The following SNAP91 variants were observed in gnomAD, a reference collection of about 807,000 sequenced individuals.
SNAP91 encodes clathrin coat assembly protein AP180.
SNAP91 carries 27 observed loss-of-function variants against 100.3 expected under a neutral mutation model. The observed-to-expected ratio is 0.27, with a 90% CI of 0.20 to 0.37. The LOEUF (loss-of-function observed/expected upper bound fraction) is 0.37, where lower values mean the gene tolerates loss of function less well. SNAP91 is among the 10% of genes least tolerant of loss of function. SNAP91 has a pLI of 1.00. For missense variants in SNAP91, 986 were observed against 1,123.7 expected, an observed-to-expected ratio of 0.88 and a Z score of 1.75; for synonymous variants, 404 against 398.6, an observed-to-expected ratio of 1.01 and a Z score of -0.16.
chr6:83,650,663 C>A (rs1038536467), intron 7 of SNAP91, among the ~76,000 whole-genome samples: 1 of 152,324 alleles, frequency 6.6e-6, no homozygotes, highest in East Asian at 1.9e-4. Context: ...AGTGATCCAT[C>A]CCCCTTGGCA....
chr6:83,573,036 C>T (rs1200640665), intron 26 of SNAP91, among the ~76,000 whole-genome samples: 2 of 152,130 alleles, frequency 1.3e-5, no homozygotes, highest in South Asian at 4.1e-4. Context: ...GAGAGTTTTT[C>T]TAAGAAAGTA....
intron 7 of SNAP91, 108 bp downstream of exon 7, chr6:83,656,646 T>C (rs2098411995): frequency 1.7e-5 from 9 of 534,482 alleles, no homozygotes; most frequent in South Asian, 1.5e-4. Context: ...TATCATGATA[T>C]TCCACACAAT....
Position 83,694,718 on chromosome 6 carries a change from G to A in SNAP91, c.130+13080C>T, listed in dbSNP as rs144326014. Among the ~76,000 whole-genome samples, 57 of 152,228 alleles carry A rather than the reference G, an allele frequency of 3.7e-4. 1 individual carries two copies. The East Asian group carries it at 4.2e-3, about 11-fold the overall frequency. The stretch of plus-strand genomic sequence containing the variant: ...ACTAATGTGTGAAACAGAAACAAGC[G>A]AAACAGGGGGTGGAGGAAGAATCCT... On this transcript the variant is annotated intron_variant, in intron 2 of 29. Coordinates refer to ENST00000369694, the MANE Select transcript of SNAP91 (RefSeq NM_001242792.2).
chr6:83,645,246 C>A (rs548616796), intron 7 of SNAP91, among the ~76,000 whole-genome samples: 3 of 145,176 alleles, frequency 2.1e-5, no homozygotes, highest in African/African-American at 7.5e-5. Context: ...TATATCCTGA[C>A]TTTTTTTTTT....
intron 2 of SNAP91, among the ~76,000 whole-genome samples, chr6:83,676,895 G>A (rs1196410968): frequency 6.6e-6 from 1 of 152,154 alleles, no homozygotes; most frequent in Non-Finnish European, 1.5e-5. Context: ...AAAACAAAAG[G>A]TAGGATTCTG....
upstream of SNAP91, chr6:83,709,348 G>C (rs987722627): frequency 3.9e-5 from 6 of 152,302 alleles, no homozygotes; most frequent in African/African-American, 1.4e-4. Context: ...TCTCCGCTGG[G>C]CGCCGGGCCG....
At chr6:83,637,430 C>A (rs2097505275) in intron 8 of SNAP91, among the ~76,000 whole-genome samples, 1 of 152,124 alleles carries the variant, frequency 6.6e-6, no homozygotes, top group Admixed American at 6.5e-5. Context: ...AATCCCTGGG[C>A]AGGGCAATGG....
chr6:83,634,074 AC>A (rs1336009639), intron 8 of SNAP91, among the ~76,000 whole-genome samples: 2 of 152,182 alleles, frequency 1.3e-5, no homozygotes, highest in Non-Finnish European at 2.9e-5. Context: ...CACGTTGTGC[AC>A]ATGTACCCTA....
chr6:83,614,381 A>G (rs781730401), intron 11 of SNAP91, among the ~76,000 whole-genome samples: 4 of 152,202 alleles, frequency 2.6e-5, no homozygotes, highest in Non-Finnish European at 5.9e-5. Context: ...TATAAAGGGC[A>G]TACATATTCT....
chr6:83,631,949 G>T (rs968541690), intron 8 of SNAP91, among the ~76,000 whole-genome samples: 1 of 152,044 alleles, frequency 6.6e-6, no homozygotes, highest in Non-Finnish European at 1.5e-5. Flanking sequence ...GGTCCTATGA[G>T]ATTTATGCTT....
At chr6:83,569,573 C>T (rs992578596) in intron 26 of SNAP91, among the ~76,000 whole-genome samples, 2 of 152,152 alleles carry the variant, frequency 1.3e-5, no homozygotes, top group African/African-American at 4.8e-5. Flanking sequence ...CCCTTGTTCC[C>T]TTCTGGGTTA....
intron 8 of SNAP91, among the ~76,000 whole-genome samples, chr6:83,639,193 TACTA>T (rs2097576824): frequency 1.3e-5 from 2 of 152,322 alleles, no homozygotes; most frequent in Middle Eastern, 3.4e-3. Context: ...AGGTAAATGT[TACTA>T]ACTATGGGAT....
chr6:83,561,763 T>C (rs901179113), intron 26 of SNAP91, among the ~76,000 whole-genome samples: 1 of 152,132 alleles, frequency 6.6e-6, no homozygotes, highest in Non-Finnish European at 1.5e-5. Context: ...CCCAGCATAT[T>C]AGGAGGCTGA....
chr6:83,607,942 A>C (rs913465515), intron 12 of SNAP91, 134 bp from the exon 13 acceptor site: 6 of 431,080 alleles, frequency 1.4e-5, no homozygotes, highest in African/African-American at 1.0e-4. Context: ...GGAAAAAAAA[A>C]CTCAATAAAA....
intron 2 of SNAP91, among the ~76,000 whole-genome samples, chr6:83,679,710 A>ACAG (rs2098960984): frequency 6.6e-6 from 1 of 152,178 alleles, no homozygotes; most frequent in Non-Finnish European, 1.5e-5. Flanking sequence ...ATAGAACTTT[A>ACAG]TGTTTTTAAT....
intron 2 of SNAP91, among the ~76,000 whole-genome samples, chr6:83,689,358 T>G (rs1300244870): frequency 6.6e-6 from 1 of 152,232 alleles, no homozygotes; most frequent in Non-Finnish European, 1.5e-5. Context: ...TTAAAAATTC[T>G]GTTTTTGTTT....
At chr6:83,705,655 C>G (rs920929591) in intron 2 of SNAP91, among the ~76,000 whole-genome samples, 11 of 151,880 alleles carry the variant, frequency 7.2e-5, no homozygotes, top group African/African-American at 2.7e-4. Context: ...AAAAAATACA[C>G]AAAAATGAGC....
intron 26 of SNAP91, 110 bp from the exon 27 acceptor site, chr6:83,561,057 T>C: frequency 2.6e-6 from 2 of 761,956 alleles, no homozygotes; most frequent in Non-Finnish European, 4.1e-6. Context: ...ATTTATTTAT[T>C]TTAAAGATGG....
chr6:83,648,419 G>A (rs1253517049), intron 7 of SNAP91, among the ~76,000 whole-genome samples: 1 of 151,114 alleles, frequency 6.6e-6, no homozygotes, highest in Admixed American at 6.6e-5. Context: ...GAACATTCAT[G>A]TGCTAGTCCT....
Sources: gnomAD v4.1 joint callset for allele counts (sites outside exome capture counted in the v4.1 genomes callset) on GRCh38, gnomAD v4.1.1 for gene constraint, MANE v1.5 for transcripts, NCBI Gene and HGNC (gene_info 2026-07-23, HGNC 2026-07-21) for gene names.